Variants in ERCC1 observed in about 807,000 individuals in gnomAD.
ERCC1 encodes DNA excision repair protein ERCC-1.
In ERCC1, 36 loss-of-function variants were observed where a neutral mutation model predicts 37.6. The ratio of observed to expected loss-of-function variants is 0.96; its 90% CI spans 0.73 to 1.26. The LOEUF (loss-of-function observed/expected upper bound fraction) is 1.26, where lower values mean the gene tolerates loss of function less well. Ranked by LOEUF, ERCC1 falls within the 50% of genes most tolerant of loss-of-function variation. The pLI is 0.00. For synonymous variants in ERCC1, 156 were observed against 162.1 expected (o/e 0.96, Z 0.28); for missense variants, 349 against 376.5 (o/e 0.93, Z 0.60).
intron 1 of ERCC1, 150 bp downstream of exon 1, chr19:45,423,631 C>CT: frequency 7.5e-7 from 1 of 1,341,698 alleles, no homozygotes; most frequent in Non-Finnish European, 9.6e-7. Flanking sequence ...CTATTGGCTC[C>CT]GTCCCCACCA....
intron 9 of ERCC1, among the ~76,000 whole-genome samples, chr19:45,413,237 G>A (rs763187302): frequency 2.6e-5 from 4 of 152,088 alleles, no homozygotes; most frequent in Non-Finnish European, 5.9e-5. Flanking sequence ...TGTATATGGC[G>A]AGAGATAGCT....
chr19:45,433,206 G>A (rs923552022), intron 1 of ERCC1, among the ~76,000 whole-genome samples: 2 of 151,474 alleles, frequency 1.3e-5, no homozygotes, highest in African/African-American at 4.9e-5. Context: ...CCTGGGCAAC[G>A]TGGTGAAACC....
At chr19:45,433,182 G>A (rs112066444) in intron 1 of ERCC1, among the ~76,000 whole-genome samples, 68 of 152,224 alleles carry the variant, frequency 4.5e-4, no homozygotes, top group Non-Finnish European at 9.0e-4. Flanking sequence ...TTGAGGTCAG[G>A]AGTTTGAGAC....
At chr19:45,432,615 C>G (rs1218135523) in intron 1 of ERCC1, among the ~76,000 whole-genome samples, 1 of 152,128 alleles carries the variant, frequency 6.6e-6, no homozygotes, top group Admixed American at 6.6e-5. Context: ...GCAGTCATAA[C>G]TCACTGCACG....
chr19:45,436,112 C>CCACGGAGCCTGGATGA (rs1174925697), intron 1 of ERCC1, among the ~76,000 whole-genome samples: 1 of 151,920 alleles, frequency 6.6e-6, no homozygotes, highest in East Asian at 1.9e-4. Context: ...CCACAGTGAC[C>CCACGGAGCCTGGATGA]CACGGAGCCT....
chr19:45,430,222 G>A (rs1974799652), intron 1 of ERCC1, among the ~76,000 whole-genome samples: 1 of 152,226 alleles, frequency 6.6e-6, no homozygotes, highest in Admixed American at 6.5e-5. Context: ...TTAACTGCAT[G>A]AATAAAAGGT....
At chr19:45,437,019 G>A (rs1247287505) in intron 1 of ERCC1, among the ~76,000 whole-genome samples, 1 of 152,168 alleles carries the variant, frequency 6.6e-6, no homozygotes, top group Non-Finnish European at 1.5e-5. Context: ...GGAGGCCAAG[G>A]TGGGTGAATC....
chr19:45,444,061 A>C (rs1011945258), intron 1 of ERCC1, among the ~76,000 whole-genome samples: 1 of 37,212 alleles, frequency 2.7e-5, no homozygotes, highest in African/African-American at 1.1e-4. Context: ...TATCCTGCCC[A>C]GGCCCTCCCA....
intron 1 of ERCC1, among the ~76,000 whole-genome samples, chr19:45,442,315 C>CAA (rs61166082): frequency 4.7e-4 from 40 of 85,822 alleles, no homozygotes; most frequent in Admixed American, 3.3e-3. Context: ...GACCCTGTCT[C>CAA]AAAAAAAAAA....
chr19:45,417,481 T>A (rs555667184), intron 5 of ERCC1, among the ~76,000 whole-genome samples: 5 of 151,962 alleles, frequency 3.3e-5, no homozygotes, highest in African/African-American at 4.8e-5. Flanking sequence ...ATTCCAGACA[T>A]AAAGAACAGC....
upstream of ERCC1, among the ~76,000 whole-genome samples, chr19:45,425,953 A>AT (rs112812471): frequency 0.54 from 81,051 of 150,084 alleles, 25,298 homozygotes; most frequent in African/African-American, 0.85. Flanking sequence ...ATTTTACTTA[A>AT]TTTTTTTTTT....
At chr19:45,423,490 T>G in intron 1 of ERCC1, 109 bp from the exon 2 acceptor site, 8 of 1,494,656 alleles carry the variant, frequency 5.4e-6, no homozygotes, top group East Asian at 2.5e-5. Context: ...GAGAGCTCCA[T>G]AGCGTCAGGT....
Position 45,407,442 on chromosome 19 carries a change from G to A in ERCC1, c.*2233C>T. 3 of 548,842 alleles carry A rather than the reference G, an allele frequency of 5.5e-6. No individual in the cohort carries two copies. Among genetic ancestry groups the A allele is most frequent in the Middle Eastern group, 4.7e-4 (1 of 2,106 alleles). The allele number at this position is 548,842 out of a possible 1,614,324, so 34.0% of individuals were successfully genotyped here. On this transcript the variant is annotated 3_prime_UTR_variant, in exon 10 of 10. Transcript: ENST00000300853. ...CCTTTGTTAGTATTTCTACTTATAA[G>A]AAACTATAAGGAACTATAGTTAAAC...
chr19:45,422,291 T>C (rs147060974), intron 2 of ERCC1, among the ~76,000 whole-genome samples: 2 of 152,206 alleles, frequency 1.3e-5, no homozygotes, highest in African/African-American at 4.8e-5. Flanking sequence ...TTCTCCTTGC[T>C]TTCTCTACTC....
rs1974597812 is a variant in ERCC1, at chr19:45,423,895, G to A, written c.-122C>T. 2.7e-6 allele frequency: 3 copies of A among 1,103,756 alleles called. No homozygotes were observed. Among genetic ancestry groups the A allele is most frequent in the African/African-American group, 3.2e-5 (2 of 62,228 alleles). The allele number at this position is 1,103,756 out of a possible 1,614,324, so 68.4% of individuals were successfully genotyped here. ...GGCCCACTGCCAGCACGGCCAGCGT[G>A]GCCCAGGGCTCGCAGCACTTCCGGC... On this transcript the variant is annotated 5_prime_UTR_variant, in exon 1 of 10. Coordinates refer to ENST00000300853, the MANE Select transcript of ERCC1 (RefSeq NM_001983.4).
intron 9 of ERCC1, among the ~76,000 whole-genome samples, chr19:45,412,192 T>G (rs1973785205): frequency 1.3e-5 from 2 of 151,474 alleles, no homozygotes; most frequent in African/African-American, 4.9e-5. Flanking sequence ...GAGTTTTGCT[T>G]CTGTTGTCCA....
chr19:45,428,763 G>A (rs1435710953), upstream of ERCC1, among the ~76,000 whole-genome samples: 1 of 152,076 alleles, frequency 6.6e-6, no homozygotes, highest in East Asian at 1.9e-4. Flanking sequence ...GGGGGGCGCA[G>A]TGACCAGGCT....
chr19:45,448,476 G>A (rs1182995307), intron 1 of ERCC1, among the ~76,000 whole-genome samples: 1 of 151,986 alleles, frequency 6.6e-6, no homozygotes, highest in Non-Finnish European at 1.5e-5. Flanking sequence ...GGACTCACGG[G>A]AATAAAAGCA....
intron 6 of ERCC1, 183 bp downstream of exon 6, chr19:45,416,638 A>G (rs1246254015): frequency 2.5e-4 from 21 of 84,372 alleles, no homozygotes; most frequent in Middle Eastern, 0.011. Flanking sequence ...GCTCTGTATC[A>G]AAAAAAAAAA....
Sources: allele counts gnomAD v4.1 joint callset (sites outside exome capture counted in the v4.1 genomes callset), GRCh38; gene constraint gnomAD v4.1.1; transcripts MANE v1.5; gene names NCBI Gene and HGNC (gene_info 2026-07-23, HGNC 2026-07-21).